The following LRP1B variants were observed in gnomAD, a reference collection of about 807,000 sequenced individuals.
LRP1B encodes the protein low-density lipoprotein receptor-related protein 1B.
In LRP1B, 217 loss-of-function variants were observed where a neutral mutation model predicts 556.6. The ratio of observed to expected loss-of-function variants is 0.39; its 90% CI spans 0.35 to 0.44. The LOEUF is 0.44. Among genes scored for constraint, LRP1B ranks in the 20% least tolerant of loss-of-function variants. The pLI is 1.00. For synonymous variants in LRP1B, 2,047 were observed against 1,865.8 expected, an observed-to-expected ratio of 1.10 and a Z score of -2.50; for missense variants, 5,053 against 5,620.8, an observed-to-expected ratio of 0.90 and a Z score of 3.23.
chr2:140,586,058 T>C lies in LRP1B; in HGVS notation c.7194+12573A>G, dbSNP rs187670385. 5.3e-5 allele frequency among the ~76,000 whole-genome samples: 8 copies of C among 152,308 alleles called. 1 individual carries two copies. Among genetic ancestry groups the C allele is most frequent in the Admixed American group, 4.6e-4 (7 of 15,294 alleles). On this transcript the variant is annotated intron_variant, in intron 43 of 90. Coordinates refer to ENST00000389484, the MANE Select transcript of LRP1B (RefSeq NM_018557.3). ...TAGATGTTTCCCTTTTTTTCTATTC[T>C]GAATGTCTAAAAATCTATGAGCACA...
intron 77 of LRP1B, among the ~76,000 whole-genome samples, chr2:140,341,482 T>G (rs1033305702): frequency 3.3e-5 from 5 of 151,414 alleles, no homozygotes; most frequent in Non-Finnish European, 7.4e-5. Context: ...AGATCTCTGA[T>G]GCTTCAACAA....
At chr2:142,022,934 C>A (rs2105179820) in intron 1 of LRP1B, among the ~76,000 whole-genome samples, 1 of 152,222 alleles carries the variant, frequency 6.6e-6, no homozygotes, top group African/African-American at 2.4e-5. Flanking sequence ...CTCGGCCTTC[C>A]AAAGTGCTGG....
At chr2:140,788,676 T>G (rs554355945) in intron 32 of LRP1B, among the ~76,000 whole-genome samples, 1 of 152,320 alleles carries the variant, frequency 6.6e-6, no homozygotes. Context: ...CATTTCTCTC[T>G]TTGCTAAGAA....
chr2:141,449,668 A>G (rs1373534841), intron 3 of LRP1B, among the ~76,000 whole-genome samples: 1 of 152,244 alleles, frequency 6.6e-6, no homozygotes. Context: ...TGCATTAATT[A>G]TGAAATATCA....
At chr2:141,147,722 T>TATGTCAAATA (rs1205610971) in intron 7 of LRP1B, among the ~76,000 whole-genome samples, 2 of 152,226 alleles carry the variant, frequency 1.3e-5, no homozygotes, top group Non-Finnish European at 2.9e-5. Context: ...TTTGCCTTGC[T>TATGTCAAATA]ATGTCAAATA....
At chr2:140,401,309 G>A (rs1684490302) in intron 66 of LRP1B, among the ~76,000 whole-genome samples, 2 of 152,294 alleles carry the variant, frequency 1.3e-5, no homozygotes, top group South Asian at 4.1e-4. Flanking sequence ...CTGAGACTTA[G>A]TCCAGTACTA....
chr2:141,871,587 A>G lies in LRP1B; in HGVS notation c.83-61186T>C, dbSNP rs182730767. On this transcript the variant is annotated intron_variant, in intron 1 of 90. Transcript: ENST00000389484. ...TTATACCTATCAAAAGGCTTCAAAT[A>G]ATCTAGTGAGATGAAACAATCCCTG... 3.3e-3 allele frequency among the ~76,000 whole-genome samples: 506 copies of G among 152,170 alleles called. 3 individuals carry two copies. Among genetic ancestry groups the G allele is most frequent in the Non-Finnish European group, 6.2e-3 (421 of 67,926 alleles).
intron 25 of LRP1B, among the ~76,000 whole-genome samples, chr2:140,881,922 T>A (rs1280713855): frequency 6.6e-6 from 1 of 152,180 alleles, no homozygotes; most frequent in Non-Finnish European, 1.5e-5. Context: ...AAAACTGAGA[T>A]AAATAAGTTG....
chr2:141,489,862 A>G (rs1286774826), intron 2 of LRP1B, among the ~76,000 whole-genome samples: 1 of 152,198 alleles, frequency 6.6e-6, no homozygotes, highest in African/African-American at 2.4e-5. Context: ...ATGCAAGAAT[A>G]CAAATAAGAA....
At chr2:141,324,449 T>C (rs1215523927) in intron 3 of LRP1B, among the ~76,000 whole-genome samples, 1 of 152,086 alleles carries the variant, frequency 6.6e-6, no homozygotes. Context: ...CCCAGATAAT[T>C]AACCGTTTGT....
intron 1 of LRP1B, among the ~76,000 whole-genome samples, chr2:141,990,029 C>T (rs1328628236): frequency 1.3e-5 from 2 of 152,056 alleles, no homozygotes. Flanking sequence ...TAGATGTCTA[C>T]AATTTCTCTT....
chr2:141,132,958 TAA>T (rs199653412), intron 7 of LRP1B, among the ~76,000 whole-genome samples: 3,572 of 152,162 alleles, frequency 0.023, 148 homozygotes, highest in African/African-American at 0.082. Flanking sequence ...TATTGAATAA[TAA>T]AAGTCACTCC....
At chr2:140,402,342 A>G (rs1214425665) in intron 66 of LRP1B, among the ~76,000 whole-genome samples, 1 of 152,174 alleles carries the variant, frequency 6.6e-6, no homozygotes, top group Non-Finnish European at 1.5e-5. Context: ...CTTGAGGCTC[A>G]TGAAGAGTCT....
chr2:141,251,997 G>A (rs1320313988), intron 4 of LRP1B, among the ~76,000 whole-genome samples: 1 of 151,952 alleles, frequency 6.6e-6, no homozygotes, highest in East Asian at 1.9e-4. Flanking sequence ...CCAGTTTCCA[G>A]GAGGGTAAAG....
chr2:140,874,242 T>G (rs1284551185), intron 25 of LRP1B, among the ~76,000 whole-genome samples: 2 of 152,182 alleles, frequency 1.3e-5, no homozygotes, highest in Non-Finnish European at 2.9e-5. Flanking sequence ...ACAGTGACAT[T>G]TACTTAAGGG....
intron 1 of LRP1B, among the ~76,000 whole-genome samples, chr2:141,921,467 A>C (rs1388821137): frequency 2.6e-5 from 4 of 151,968 alleles, no homozygotes; most frequent in African/African-American, 9.7e-5. Context: ...TATGGGTTCT[A>C]TGTATGTGTT....
chr2:141,380,813 G>T (rs887503889), intron 3 of LRP1B, among the ~76,000 whole-genome samples: 1 of 152,088 alleles, frequency 6.6e-6, no homozygotes, highest in African/African-American at 2.4e-5. Flanking sequence ...ATGTCTTGAG[G>T]CGTTAATGGG....
chr2:140,935,797 T>G (rs1046985833), intron 20 of LRP1B, among the ~76,000 whole-genome samples: 1 of 152,020 alleles, frequency 6.6e-6, no homozygotes, highest in Non-Finnish European at 1.5e-5. Context: ...ATCCTCAGTA[T>G]GATTATCAAC....
intron 35 of LRP1B, among the ~76,000 whole-genome samples, chr2:140,744,974 A>G (rs552874940): frequency 6.6e-6 from 1 of 152,320 alleles, no homozygotes; most frequent in East Asian, 1.9e-4. Flanking sequence ...AGCACAAAAC[A>G]GTACTAATAT....
Sources: gnomAD v4.1 joint callset for allele counts (sites outside exome capture counted in the v4.1 genomes callset) on GRCh38, gnomAD v4.1.1 for gene constraint, MANE v1.5 for transcripts, NCBI Gene and HGNC (gene_info 2026-07-23, HGNC 2026-07-21) for gene names.